The following ZFAT variants were observed in gnomAD, a reference collection of about 807,000 sequenced individuals.
The protein encoded by ZFAT is zinc finger and AT-hook domain containing.
A neutral mutation model predicts 117.7 loss-of-function variants in ZFAT; 64 were observed. The ratio of observed to expected loss-of-function variants is 0.54; its 90% CI spans 0.44 to 0.67. ZFAT has a LOEUF of 0.67. Among genes scored for constraint, ZFAT ranks in the 30% least tolerant of loss-of-function variants. ZFAT has a pLI of 0.00. For missense variants in ZFAT, 1,433 were observed against 1,584.5 expected, an observed-to-expected ratio of 0.90 and a Z score of 1.62; for synonymous variants, 679 against 615.0, an observed-to-expected ratio of 1.10 and a Z score of -1.54.
chr8:134,581,454 G>A (rs1401482682), intron 10 of ZFAT, among the ~76,000 whole-genome samples: 2 of 152,146 alleles, frequency 1.3e-5, no homozygotes, highest in African/African-American at 2.4e-5. Flanking sequence ...CCCAAGAAAC[G>A]TGAAGGTATC....
chr8:134,616,644 CT>C (rs1295014191), intron 3 of ZFAT, among the ~76,000 whole-genome samples: 1 of 152,190 alleles, frequency 6.6e-6, no homozygotes. Context: ...TCCTTTCTTC[CT>C]TTTAAAAATT....
intron 12 of ZFAT, among the ~76,000 whole-genome samples, chr8:134,528,047 C>T (rs1240291014): frequency 6.6e-6 from 1 of 152,208 alleles, no homozygotes; most frequent in Non-Finnish European, 1.5e-5. Context: ...GCAAATGTGG[C>T]CCAATTGCTT....
At chr8:134,663,775 C>A (rs1013220596) in intron 1 of ZFAT, among the ~76,000 whole-genome samples, 6 of 152,140 alleles carry the variant, frequency 3.9e-5, no homozygotes, top group Non-Finnish European at 2.9e-5. Flanking sequence ...GTATTTTCTA[C>A]AATGAGTCTA....
chr8:134,698,187 G>T (rs542948961), intron 1 of ZFAT, among the ~76,000 whole-genome samples: 6 of 152,004 alleles, frequency 3.9e-5, no homozygotes, highest in African/African-American at 1.4e-4. Flanking sequence ...TTAGCTGTGC[G>T]TGGTGGCAGA....
chr8:134,709,608 C>A (rs1393440660), intron 1 of ZFAT, among the ~76,000 whole-genome samples: 1 of 152,176 alleles, frequency 6.6e-6, no homozygotes, highest in Non-Finnish European at 1.5e-5. Context: ...ATTAAATCAG[C>A]CCATCTTGGT....
rs200180149 is a variant in ZFAT, at chr8:134,509,906, T to C, written c.3362-157A>G. ...AGTTTGACAACAGAAATAATCTGTA[T>C]AGTGCTTTATAGCTTACAAAGCATT... On this transcript the variant is annotated intron_variant, in intron 14 of 15. Coordinates refer to ENST00000377838, the MANE Select transcript of ZFAT (RefSeq NM_020863.4). 1.3e-3 allele frequency among the ~76,000 whole-genome samples: 192 copies of C among 152,294 alleles called. 1 individual carries two copies. Among genetic ancestry groups the C allele is most frequent in the Non-Finnish European group, 2.2e-3 (151 of 68,026 alleles).
chr8:134,611,465 G>T (rs1458082732), intron 3 of ZFAT, among the ~76,000 whole-genome samples: 1 of 152,244 alleles, frequency 6.6e-6, no homozygotes, highest in African/African-American at 2.4e-5. Flanking sequence ...CCAGGGGAGG[G>T]CGTCAGAGCT....
At chr8:134,627,924 G>A (rs530207266) in intron 3 of ZFAT, among the ~76,000 whole-genome samples, 5 of 152,328 alleles carry the variant, frequency 3.3e-5, no homozygotes, top group South Asian at 2.1e-4. Flanking sequence ...GAACCAGGCC[G>A]TGGTGCAAGT....
chr8:134,691,332 C>T (rs112810111), intron 1 of ZFAT, among the ~76,000 whole-genome samples: 188 of 98,508 alleles, frequency 1.9e-3, no homozygotes, highest in African/African-American at 7.9e-3. Context: ...GGCCCTTCAG[C>T]CCCATGCTCA....
intron 13 of ZFAT, among the ~76,000 whole-genome samples, chr8:134,514,554 G>C (rs147466573): frequency 1.7e-3 from 264 of 152,226 alleles, no homozygotes; most frequent in African/African-American, 6.0e-3. Context: ...GTTTCTCTCA[G>C]TGCTTCTGAG....
chr8:134,664,959 T>C (rs1832135628), intron 1 of ZFAT, among the ~76,000 whole-genome samples: 1 of 152,258 alleles, frequency 6.6e-6, no homozygotes, highest in Non-Finnish European at 1.5e-5. Context: ...TGCCAGGCTT[T>C]AGCCAGCTAC....
chr8:134,579,856 G>A (rs1825595985), intron 10 of ZFAT, among the ~76,000 whole-genome samples: 1 of 151,354 alleles, frequency 6.6e-6, no homozygotes, highest in Admixed American at 6.6e-5. Context: ...GGAGGCTGAG[G>A]CACAAGAATC....
At chr8:134,789,048 G>A in the ZFAT span, among the ~76,000 whole-genome samples, 1 of 152,076 alleles carries the variant, frequency 6.6e-6, no homozygotes, top group Admixed American at 6.5e-5. Context: ...CTCATTTAAA[G>A]TATTTGGGTT....
chr8:134,821,564 G>C, the ZFAT span, among the ~76,000 whole-genome samples: 17 of 149,184 alleles, frequency 1.1e-4, no homozygotes, highest in East Asian at 3.1e-3. Flanking sequence ...AAAAAAAAAA[G>C]AATTTTTTCC....
chr8:134,640,629 G>A (rs552946782), intron 2 of ZFAT, among the ~76,000 whole-genome samples: 1 of 152,248 alleles, frequency 6.6e-6, no homozygotes, highest in South Asian at 2.1e-4. Flanking sequence ...TTAAACTGAT[G>A]AGCAATGCAC....
chr8:134,670,423 A>C (rs976467841), intron 1 of ZFAT, among the ~76,000 whole-genome samples: 2 of 152,284 alleles, frequency 1.3e-5, no homozygotes, highest in African/African-American at 2.4e-5. Flanking sequence ...CAGTGCAATC[A>C]AACTAGAACT....
intron 3 of ZFAT, among the ~76,000 whole-genome samples, chr8:134,622,439 C>T (rs1010859326): frequency 2.0e-5 from 3 of 152,182 alleles, no homozygotes; most frequent in African/African-American, 7.2e-5. Context: ...GTGCATGCCC[C>T]GCGGGGCTGA....
intron 7 of ZFAT, chr8:134,598,373 A>T (rs7000100): frequency 0.23 from 35,697 of 152,234 alleles, 4,625 homozygotes; most frequent in East Asian, 0.53. Flanking sequence ...GCCATCCTAC[A>T]TGTTCACATT....
At chr8:134,830,280 A>T in the ZFAT span, among the ~76,000 whole-genome samples, 1 of 152,254 alleles carries the variant, frequency 6.6e-6, no homozygotes, top group Non-Finnish European at 1.5e-5. Context: ...GTATACAGAC[A>T]TATGTCAGCT....
Sources: allele counts gnomAD v4.1 joint callset (sites outside exome capture counted in the v4.1 genomes callset), GRCh38; gene constraint gnomAD v4.1.1; transcripts MANE v1.5; gene names NCBI Gene and HGNC (gene_info 2026-07-23, HGNC 2026-07-21).